Variants in PDLIM5 observed in about 807,000 individuals in gnomAD.
PDLIM5 encodes PDZ and LIM domain 5, also known as PDZ and LIM domain protein 5.
PDLIM5 carries 34 observed loss-of-function variants against 64.2 expected under a neutral mutation model. The observed-to-expected ratio is 0.53, with a 90% CI of 0.40 to 0.71. The LOEUF is 0.71. Ranked by LOEUF, PDLIM5 falls within the 30% of genes least tolerant of loss-of-function variation. The probability of loss-of-function intolerance (pLI) is 0.00; values close to 1 mark genes in which losing one functional copy is unlikely to be tolerated. For missense variants in PDLIM5, 683 were observed against 733.6 expected (o/e 0.93, Z 0.80); for synonymous variants, 253 against 269.1 (o/e 0.94, Z 0.59).
At chr4:94,563,196 A>T (rs982142666) in intron 3 of PDLIM5, among the ~76,000 whole-genome samples, 1 of 152,182 alleles carries the variant, frequency 6.6e-6, no homozygotes, top group African/African-American at 2.4e-5. Context: ...TGTAGATATT[A>T]TTATCACTTT....
At chr4:94,462,180 G>C (rs557609843) in intron 2 of PDLIM5, among the ~76,000 whole-genome samples, 5 of 152,172 alleles carry the variant, frequency 3.3e-5, no homozygotes, top group South Asian at 4.1e-4. Context: ...CTTTAGGTAA[G>C]ACATTCATAT....
At chr4:94,624,005 AT>A (rs1219792563) in intron 8 of PDLIM5, among the ~76,000 whole-genome samples, 2 of 151,580 alleles carry the variant, frequency 1.3e-5, no homozygotes, top group African/African-American at 4.8e-5. Context: ...CATGATAGGA[AT>A]TTTTTTTTCT....
At chr4:94,471,204 A>G (rs903545306) in intron 2 of PDLIM5, among the ~76,000 whole-genome samples, 1 of 152,194 alleles carries the variant, frequency 6.6e-6, no homozygotes, top group Non-Finnish European at 1.5e-5. Context: ...TTATAAATTC[A>G]GGGTAGCAAG....
intron 2 of PDLIM5, among the ~76,000 whole-genome samples, chr4:94,510,097 T>TA (rs1192245988): frequency 6.6e-6 from 1 of 152,202 alleles, no homozygotes; most frequent in Admixed American, 6.5e-5. Context: ...AGTTCAGTAT[T>TA]AAATGTCAGG....
intron 7 of PDLIM5, among the ~76,000 whole-genome samples, chr4:94,614,805 A>G (rs1293003560): frequency 6.6e-6 from 1 of 152,226 alleles, no homozygotes; most frequent in African/African-American, 2.4e-5. Context: ...TTTAGCTTAT[A>G]TGATACTTAT....
chr4:94,587,328 G>T, intron 7 of PDLIM5: 2 of 1,263,216 alleles, frequency 1.6e-6, no homozygotes, highest in Non-Finnish European at 9.9e-7. Flanking sequence ...ATCTATTTGT[G>T]GATTTGTATC....
At chr4:94,501,547 G>A (rs1177849851) in intron 2 of PDLIM5, among the ~76,000 whole-genome samples, 2 of 152,150 alleles carry the variant, frequency 1.3e-5, no homozygotes, top group Non-Finnish European at 2.9e-5. Context: ...TTTTATGTCT[G>A]TTGAATCTAA....
rs922771873 is a variant in PDLIM5 at position 94,662,344 on chromosome 4, T to G, written c.1586-78T>G. 10 of 672,696 alleles carry G rather than the reference T, an allele frequency of 1.5e-5. No individual in the cohort carries two copies. In the African/African-American group the frequency reaches 1.6e-4, roughly 11 times the overall value. 41.7% of individuals were successfully genotyped at this position (672,696 alleles called of 1,614,324 possible). A position where few individuals can be genotyped will look rare whatever the true frequency, so the allele number is the denominator to read the frequency against. On this transcript the variant is annotated intron_variant, in intron 11 of 12. Transcript: ENST00000317968. ...TCAGCATCTCATCTAATCCTGATTT[T>G]GTTGCTGCCTTCTAGGAACGATCAT...
At chr4:94,543,218 G>T (rs186128622) in intron 3 of PDLIM5, among the ~76,000 whole-genome samples, 2 of 152,052 alleles carry the variant, frequency 1.3e-5, no homozygotes, top group Non-Finnish European at 2.9e-5. Flanking sequence ...CAAGGTGCTG[G>T]CAGGATCACA....
chr4:94,538,174 C>T lies in PDLIM5; in HGVS notation c.248+14299C>T, dbSNP rs553621446. On this transcript the variant is annotated intron_variant, in intron 3 of 12. Coordinates refer to ENST00000317968, the MANE Select transcript of PDLIM5 (RefSeq NM_006457.5). The stretch of plus-strand genomic sequence containing the variant: ...ATTCCAGTATCAGTATTACCTCATT[C>T]GTTTCCTTAGCAGCTCCAGTGTGTG... 7.2e-5 allele frequency among the ~76,000 whole-genome samples: 11 copies of T among 152,220 alleles called. No homozygotes were observed. The South Asian group carries it at 1.9e-3, about 26-fold the overall frequency.
chr4:94,463,103 C>T (rs2046513386), intron 2 of PDLIM5, among the ~76,000 whole-genome samples: 1 of 152,228 alleles, frequency 6.6e-6, no homozygotes, highest in Non-Finnish European at 1.5e-5. Context: ...ACCTATTACT[C>T]CCAGTTACAT....
chr4:94,587,246 A>G (rs1463059995), intron 7 of PDLIM5: 2 of 1,398,206 alleles, frequency 1.4e-6, no homozygotes, highest in African/African-American at 1.5e-5. Context: ...GAAGATGAAC[A>G]TGTTTTGTGC....
At chr4:94,616,252 T>G (rs1738776666) in intron 7 of PDLIM5, among the ~76,000 whole-genome samples, 1 of 152,218 alleles carries the variant, frequency 6.6e-6, no homozygotes, top group Admixed American at 6.5e-5. Context: ...TATAAGTATT[T>G]CAAAAATCAT....
chr4:94,658,677 A>C (rs970710914), intron 11 of PDLIM5, among the ~76,000 whole-genome samples: 2 of 152,116 alleles, frequency 1.3e-5, no homozygotes, highest in African/African-American at 4.8e-5. Flanking sequence ...TTCTTTGCCC[A>C]CTCAGTATTC....
intron 2 of PDLIM5, among the ~76,000 whole-genome samples, chr4:94,474,614 T>G (rs1430432973): frequency 6.6e-6 from 1 of 152,182 alleles, no homozygotes; most frequent in African/African-American, 2.4e-5. Flanking sequence ...ACCAATTGTC[T>G]TGGCTTCCGT....
chr4:94,591,706 G>T (rs1736687191), intron 7 of PDLIM5, among the ~76,000 whole-genome samples: 1 of 152,214 alleles, frequency 6.6e-6, no homozygotes, highest in Non-Finnish European at 1.5e-5. Context: ...TATCAGCTGA[G>T]GCTGTCCTAA....
chr4:94,454,967 A>G (rs997278565), intron 1 of PDLIM5, among the ~76,000 whole-genome samples: 3 of 152,244 alleles, frequency 2.0e-5, no homozygotes, highest in South Asian at 2.1e-4. Context: ...TAAACTTTGC[A>G]TGCAAGAAGC....
In PDLIM5 at chr4:94,665,010, A is replaced by G. The variant is rs1578572951; in HGVS notation, c.*943A>G. On this transcript the variant is annotated 3_prime_UTR_variant, in exon 13 of 13. Coordinates refer to ENST00000317968, the MANE Select transcript of PDLIM5 (RefSeq NM_006457.5). ...TTTCTCATTTCTTCCCCACCCAAAA[A>G]TAAGCTACCATATAGCTTATAAGTC... 2 of 983,204 alleles carry G rather than the reference A, an allele frequency of 2.0e-6. No homozygotes were observed. Among genetic ancestry groups the G allele is most frequent in the African/African-American group, 1.7e-5 (1 of 57,346 alleles). The allele number at this position is 983,204 out of a possible 1,614,324, so 60.9% of individuals were successfully genotyped here.
chr4:94,570,786 C>T (rs1007018151), intron 3 of PDLIM5, among the ~76,000 whole-genome samples: 3 of 152,086 alleles, frequency 2.0e-5, no homozygotes, highest in Non-Finnish European at 4.4e-5. Context: ...GTCAGTGGAT[C>T]CAAAGATGGC....
Sources: gnomAD v4.1 joint callset for allele counts (sites outside exome capture counted in the v4.1 genomes callset) on GRCh38, gnomAD v4.1.1 for gene constraint, MANE v1.5 for transcripts, NCBI Gene and HGNC (gene_info 2026-07-23, HGNC 2026-07-21) for gene names.